Variants in MACROD1 observed in about 807,000 individuals in gnomAD.
The protein encoded by MACROD1 is mono-ADP ribosylhydrolase 1.
In MACROD1, 31 loss-of-function variants were observed where a neutral mutation model predicts 41.4. The ratio of observed to expected loss-of-function variants is 0.75; its 90% CI spans 0.56 to 1.01. MACROD1 has a LOEUF of 1.01. MACROD1 is among the 50% of genes least tolerant of loss of function. The pLI, the probability that MACROD1 is intolerant of heterozygous loss-of-function variation, is 0.00. For synonymous variants in MACROD1, 252 were observed against 203.4 expected, an observed-to-expected ratio of 1.24 and a Z score of -2.03; for missense variants, 473 against 460.0, an observed-to-expected ratio of 1.03 and a Z score of -0.26.
intron 3 of MACROD1, among the ~76,000 whole-genome samples, chr11:64,053,265 C>G (rs921084493): frequency 6.6e-6 from 1 of 152,132 alleles, no homozygotes; most frequent in Non-Finnish European, 1.5e-5. Flanking sequence ...ACACCTTGGG[C>G]CTCGTTAGGA....
At chr11:64,132,842 C>T (rs939496901) in intron 3 of MACROD1, among the ~76,000 whole-genome samples, 12 of 152,234 alleles carry the variant, frequency 7.9e-5, no homozygotes, top group Non-Finnish European at 1.2e-4. Flanking sequence ...TTCATCCTCA[C>T]GGCAGGGAGG....
chr11:64,040,700 G>A (rs1943468099), intron 3 of MACROD1, among the ~76,000 whole-genome samples: 1 of 152,218 alleles, frequency 6.6e-6, no homozygotes, highest in African/African-American at 2.4e-5. Flanking sequence ...TGGACCGAGA[G>A]CTATTAGTGA....
intron 3 of MACROD1, among the ~76,000 whole-genome samples, chr11:64,068,406 A>G (rs1944045055): frequency 1.3e-5 from 2 of 152,238 alleles, no homozygotes; most frequent in Non-Finnish European, 2.9e-5. Flanking sequence ...AAATGGAGGT[A>G]TCTACTGCAT....
chr11:64,082,436 G>A lies in MACROD1; in HGVS notation c.518-67155C>T, dbSNP rs540415379. 2.6e-5 allele frequency among the ~76,000 whole-genome samples: 4 copies of A among 152,182 alleles called. No homozygotes were observed. The East Asian group carries it at 7.8e-4, about 30-fold the overall frequency. On this transcript the variant is annotated intron_variant, in intron 3 of 10. Transcript: ENST00000255681. This position sits in a 1 kb window ranked among gnomAD's most constrained non-coding sequence, Gnocchi z 4.5. ...GCGTCCTAAGGTGAGGGGCAGGCAG[G>A]TGAGGGGCTTGAGGGCAGGGCTGAG...
At chr11:64,160,490 T>C (rs1056121336) in intron 1 of MACROD1, among the ~76,000 whole-genome samples, 3 of 152,260 alleles carry the variant, frequency 2.0e-5, no homozygotes, top group Admixed American at 2.0e-4. Context: ...TGAGAGCACA[T>C]GTCCATCAGA....
intron 3 of MACROD1, among the ~76,000 whole-genome samples, chr11:64,044,915 G>A (rs1468934325): frequency 1.3e-5 from 2 of 152,184 alleles, no homozygotes; most frequent in East Asian, 3.8e-4. Flanking sequence ...CCTGGGGCTG[G>A]TACTGACAGT....
chr11:64,069,431 G>T (rs1012525753), intron 3 of MACROD1, among the ~76,000 whole-genome samples: 1 of 152,222 alleles, frequency 6.6e-6, no homozygotes, highest in Non-Finnish European at 1.5e-5. Flanking sequence ...GACCCTGGGG[G>T]TCTTGGAGCC....
At chr11:64,028,314 G>A (rs1395447113) in intron 3 of MACROD1, among the ~76,000 whole-genome samples, 3 of 152,210 alleles carry the variant, frequency 2.0e-5, no homozygotes, top group East Asian at 1.9e-4. Flanking sequence ...GTCCTGTGGG[G>A]ACACGACAGG....
chr11:64,145,156 T>C (rs548880250), intron 3 of MACROD1, among the ~76,000 whole-genome samples: 20 of 152,306 alleles, frequency 1.3e-4, no homozygotes, highest in African/African-American at 4.6e-4. Context: ...CTTAAGGAGA[T>C]AGAGCGCCAC....
chr11:64,142,772 CT>C (rs1945431706), intron 3 of MACROD1, among the ~76,000 whole-genome samples: 4 of 152,270 alleles, frequency 2.6e-5, no homozygotes, highest in African/African-American at 9.6e-5. Flanking sequence ...ACTGGCCCCC[CT>C]GATCAACTCT....
intron 3 of MACROD1, chr11:64,118,149 C>G: frequency 1.2e-6 from 2 of 1,613,848 alleles, no homozygotes; most frequent in Non-Finnish European, 1.7e-6. Flanking sequence ...CAACCCGTAC[C>G]GCGCCAAAGA....
intron 1 of MACROD1, among the ~76,000 whole-genome samples, chr11:64,158,752 T>C (rs1945707307): frequency 6.6e-6 from 1 of 152,204 alleles, no homozygotes; most frequent in Admixed American, 6.5e-5. Flanking sequence ...CCTGTGATGA[T>C]ACAGCGCCAG....
intron 3 of MACROD1, among the ~76,000 whole-genome samples, chr11:64,114,696 T>C (rs904167948): frequency 6.6e-6 from 1 of 150,764 alleles, no homozygotes; most frequent in African/African-American, 2.4e-5. Context: ...GGTAGATGCA[T>C]GGACTGATAC....
At position 64,120,624 on chromosome 11, in the gene MACROD1, G is replaced by A. The variant is rs148972242; in HGVS notation, c.517+30615C>T. Among the ~76,000 whole-genome samples, 1,119 of 152,200 alleles carry A rather than the reference G, an allele frequency of 7.4e-3. 12 individuals carry two copies. Among genetic ancestry groups the A allele is most frequent in the African/African-American group, 0.024 (1,004 of 41,520 alleles). ...CGCTTGAACCAGGGAGGCAGAGGCT[G>A]CAGTGAACCGAGATTGCGCCACTGC... On this transcript the variant is annotated intron_variant, in intron 3 of 10. Transcript: ENST00000255681. This position sits in a 1 kb window ranked among gnomAD's most constrained non-coding sequence, Gnocchi z 4.5.
chr11:64,072,351 C>T (rs1418847312), intron 3 of MACROD1, among the ~76,000 whole-genome samples: 1 of 151,834 alleles, frequency 6.6e-6, no homozygotes, highest in Non-Finnish European at 1.5e-5. Context: ...TTGCCTCTGG[C>T]AGAGGCCGTG....
At chr11:64,138,478 C>A (rs1230009069) in intron 3 of MACROD1, 2 of 982,674 alleles carry the variant, frequency 2.0e-6, no homozygotes. Flanking sequence ...TTCTCCTCAA[C>A]GTCCTCAGCA....
At chr11:64,001,742 G>A (rs1047207625) in intron 4 of MACROD1, 22 of 702,148 alleles carry the variant, frequency 3.1e-5, no homozygotes, top group African/African-American at 7.0e-5. Flanking sequence ...AGCCCAGGGC[G>A]AGGCTGAGAT....
intron 3 of MACROD1, among the ~76,000 whole-genome samples, chr11:64,042,370 A>G (rs531658): frequency 0.11 from 15,976 of 152,050 alleles, 2,735 homozygotes; most frequent in African/African-American, 0.36. Flanking sequence ...GCCCCCAGAC[A>G]GTGGCCATCT....
intron 3 of MACROD1, among the ~76,000 whole-genome samples, chr11:64,091,747 C>T (rs1156465632): frequency 6.6e-6 from 1 of 152,218 alleles, no homozygotes; most frequent in African/African-American, 2.4e-5. Flanking sequence ...TAGCACTGTC[C>T]TGTCCCCTCC....
Sources: gnomAD v4.1 joint callset for allele counts (sites outside exome capture counted in the v4.1 genomes callset) on GRCh38, gnomAD v4.1.1 for gene constraint, Gnocchi (gnomAD v3.1) non-coding constraint, MANE v1.5 for transcripts, NCBI Gene and HGNC (gene_info 2026-07-23, HGNC 2026-07-21) for gene names.